The following PPP1R9A variants were observed in gnomAD, a reference collection of about 807,000 sequenced individuals.
PPP1R9A encodes the protein protein phosphatase 1 regulatory subunit 9A.
PPP1R9A carries 59 observed loss-of-function variants against 141.9 expected under a neutral mutation model. The ratio of observed to expected loss-of-function variants is 0.42; its 90% CI spans 0.34 to 0.52. PPP1R9A has a LOEUF of 0.52. Ranked by LOEUF, PPP1R9A falls within the 20% of genes least tolerant of loss-of-function variation. The pLI is 0.10. For missense variants in PPP1R9A, 1,444 were observed against 1,611.9 expected (o/e 0.90, Z 1.78); for synonymous variants, 500 against 569.7 (o/e 0.88, Z 1.74).
rs1797325578 is a variant in PPP1R9A, at chr7:95,240,680, C to T, written c.2113-6793C>T. 2.0e-5 allele frequency among the ~76,000 whole-genome samples: 3 copies of T among 152,028 alleles called. No homozygotes were observed. The South Asian group carries it at 6.2e-4, about 31-fold the overall frequency. On this transcript the variant is annotated intron_variant, in intron 8 of 19. Transcript: ENST00000433360. ...TCAAATTCATTTATGCTTTTTAGCA[C>T]TTCTAACATGACTTAATTCTCTTAT...
chr7:94,950,187 G>A (rs1319647176), intron 2 of PPP1R9A, among the ~76,000 whole-genome samples: 2 of 152,074 alleles, frequency 1.3e-5, no homozygotes, highest in African/African-American at 2.4e-5. Context: ...GGATGAGTGA[G>A]ATTTCTGTCA....
intron 7 of PPP1R9A, among the ~76,000 whole-genome samples, chr7:95,208,972 A>G (rs1791489115): frequency 6.7e-6 from 1 of 149,840 alleles, no homozygotes; most frequent in Non-Finnish European, 1.5e-5. Context: ...AAAAAAAAAA[A>G]AAAAAACTCT....
chr7:95,289,968 C>T (rs1285352778), intron 19 of PPP1R9A, 123 bp from the exon 20 acceptor site: 12 of 1,450,100 alleles, frequency 8.3e-6, no homozygotes. Flanking sequence ...GTAACTAGTT[C>T]TTCCTCTGTT....
intron 7 of PPP1R9A, among the ~76,000 whole-genome samples, chr7:95,225,673 A>G (rs914466791): frequency 2.6e-5 from 4 of 152,174 alleles, no homozygotes; most frequent in Admixed American, 6.6e-5. Context: ...ATTTGGTAAA[A>G]TAATCAAATA....
At chr7:95,114,930 C>G (rs1821217454) in intron 3 of PPP1R9A, among the ~76,000 whole-genome samples, 1 of 148,644 alleles carries the variant, frequency 6.7e-6, no homozygotes, top group South Asian at 2.1e-4. Context: ...ACAGCAAAAC[C>G]TTTACTCAGA....
intron 2 of PPP1R9A, among the ~76,000 whole-genome samples, chr7:94,969,608 C>T (rs530749292): frequency 3.3e-5 from 5 of 152,110 alleles, no homozygotes; most frequent in African/African-American, 1.2e-4. Flanking sequence ...GTCTCCCAAT[C>T]AGGAGGTACA....
At chr7:95,240,132 A>G (rs1347515824) in intron 8 of PPP1R9A, among the ~76,000 whole-genome samples, 1 of 152,060 alleles carries the variant, frequency 6.6e-6, no homozygotes, top group Non-Finnish European at 1.5e-5. Context: ...TGAGCTTCCC[A>G]TACTGAGAAT....
Position 95,291,727 on chromosome 7 carries a change from G to A in PPP1R9A, c.*1424G>A, listed in dbSNP as rs1285765303. On this transcript the variant is annotated 3_prime_UTR_variant, in exon 20 of 20. Coordinates refer to ENST00000433360, the MANE Select transcript of PPP1R9A (RefSeq NM_001166160.2). ...TCCACTTTCCAAAGGACAAGTTTCA[G>A]AATAAGACTTGAGGCCACATGAATT... The A allele has an allele frequency of 1.3e-5, 2 of 152,152 alleles. No individual in the cohort carries two copies. Among genetic ancestry groups the A allele is most frequent in the Non-Finnish European group, 2.9e-5 (2 of 68,028 alleles). The allele number at this position is 152,152 out of a possible 1,614,324, so 9.4% of individuals were successfully genotyped here.
chr7:95,171,073 C>T (rs182286940), intron 5 of PPP1R9A, among the ~76,000 whole-genome samples: 58 of 151,276 alleles, frequency 3.8e-4, no homozygotes, highest in African/African-American at 1.4e-3. Flanking sequence ...GAAACCCCAG[C>T]AAAGAGTTAT....
intron 2 of PPP1R9A, among the ~76,000 whole-genome samples, chr7:94,936,115 G>A (rs1484327920): frequency 6.6e-6 from 1 of 152,134 alleles, no homozygotes; most frequent in Non-Finnish European, 1.5e-5. Context: ...TTAGGTTTAA[G>A]TGTTGATGTC....
chr7:95,192,521 G>T (rs1011189810), intron 5 of PPP1R9A, among the ~76,000 whole-genome samples: 3 of 151,886 alleles, frequency 2.0e-5, no homozygotes, highest in Non-Finnish European at 4.4e-5. Flanking sequence ...AATGCATTTG[G>T]CCTTGTCTAG....
intron 4 of PPP1R9A, among the ~76,000 whole-genome samples, chr7:95,136,030 C>T (rs1440885011): frequency 6.6e-6 from 1 of 152,064 alleles, no homozygotes. Context: ...AGTCCACCAA[C>T]TTGTAGTGCC....
At chr7:95,066,784 A>AT (rs1813008862) in intron 2 of PPP1R9A, among the ~76,000 whole-genome samples, 2 of 152,282 alleles carry the variant, frequency 1.3e-5, no homozygotes, top group East Asian at 3.9e-4. Context: ...AGGAAGTGAA[A>AT]TTATCAAGCA....
At chr7:95,126,982 C>T (rs1823668584) in intron 4 of PPP1R9A, among the ~76,000 whole-genome samples, 1 of 152,022 alleles carries the variant, frequency 6.6e-6, no homozygotes, top group Non-Finnish European at 1.5e-5. Context: ...TCATCTCTCA[C>T]CCAACCCTCT....
chr7:95,103,721 A>C (rs1244923443), intron 2 of PPP1R9A, among the ~76,000 whole-genome samples: 1 of 152,148 alleles, frequency 6.6e-6, no homozygotes, highest in Non-Finnish European at 1.5e-5. Context: ...AATTAGTGAA[A>C]TGTACTTTTT....
intron 5 of PPP1R9A, among the ~76,000 whole-genome samples, chr7:95,170,257 A>G (rs1831905120): frequency 1.3e-5 from 2 of 151,702 alleles, no homozygotes; most frequent in South Asian, 4.1e-4. Flanking sequence ...AGCTACTAAT[A>G]TACGCTTTTG....
intron 1 of PPP1R9A, among the ~76,000 whole-genome samples, 189 bp from the exon 2 acceptor site, chr7:94,909,709 T>C (rs1011528439): frequency 3.3e-5 from 5 of 150,316 alleles, no homozygotes; most frequent in African/African-American, 1.2e-4. Context: ...TTTGGAACTT[T>C]TTTTTTTTTT....
At chr7:94,951,896 T>C (rs1461383901) in intron 2 of PPP1R9A, among the ~76,000 whole-genome samples, 1 of 152,042 alleles carries the variant, frequency 6.6e-6, no homozygotes, top group Non-Finnish European at 1.5e-5. Context: ...CTTTGAAGAC[T>C]ATAGCACTCT....
At chr7:95,157,950 T>C (rs112246530) in intron 4 of PPP1R9A, among the ~76,000 whole-genome samples, 194 of 152,314 alleles carry the variant, frequency 1.3e-3, no homozygotes, top group Middle Eastern at 6.8e-3. Context: ...ACAAATATTT[T>C]CATATTACTT....
Sources: gnomAD v4.1 joint callset for allele counts (sites outside exome capture counted in the v4.1 genomes callset) on GRCh38, gnomAD v4.1.1 for gene constraint, MANE v1.5 for transcripts, NCBI Gene and HGNC (gene_info 2026-07-23, HGNC 2026-07-21) for gene names.